The following NOL9 variants were observed in gnomAD, a reference collection of about 807,000 sequenced individuals.
NOL9 encodes the protein polynucleotide 5'-hydroxyl-kinase NOL9.
Under a neutral mutation model 67.9 loss-of-function variants are expected in NOL9, and 28 were observed. The observed-to-expected ratio is 0.41, with a 90% CI of 0.31 to 0.57. NOL9 has a LOEUF of 0.57. Among genes scored for constraint, NOL9 ranks in the 20% least tolerant of loss-of-function variants. NOL9 has a pLI of 0.25. For missense variants in NOL9, 777 were observed against 897.0 expected (o/e 0.87, Z 1.71); for synonymous variants, 356 against 352.2 (o/e 1.01, Z -0.12).
Position 6,521,811 on chromosome 1 carries a change from C to T in NOL9, c.*4043G>A, listed in dbSNP as rs1638775794. ...GAGGCTAGCTACACACTAGGAGTTA[C>T]TGACCGTTTCTACATGCCGGAGACT... On this transcript the variant is annotated 3_prime_UTR_variant, in exon 12 of 12. Coordinates refer to ENST00000377705, the MANE Select transcript of NOL9 (RefSeq NM_024654.5). 1 of 152,330 alleles carries T rather than the reference C, an allele frequency of 6.6e-6. No homozygotes were observed. The highest frequency in any genetic ancestry group is 3.4e-3 in the Middle Eastern group (1 of 294). The allele number at this position is 152,330 out of a possible 1,614,324, so 9.4% of individuals were successfully genotyped here. A position where few individuals can be genotyped will look rare whatever the true frequency, so the allele number is the denominator to read the frequency against.
chr1:6,528,522 C>T (rs908468484), intron 10 of NOL9, among the ~76,000 whole-genome samples: 2 of 152,190 alleles, frequency 1.3e-5, no homozygotes, highest in Non-Finnish European at 2.9e-5. Flanking sequence ...AGTGAATCTT[C>T]CAATGGACCA....
intron 8 of NOL9, 61 bp from the exon 9 acceptor site, chr1:6,532,140 C>T (rs1487320365): frequency 1.6e-6 from 2 of 1,246,336 alleles, no homozygotes; most frequent in Non-Finnish European, 2.4e-6. Context: ...ACCTCCCACA[C>T]CTGTCATCAC....
In NOL9 at chr1:6,554,293, C is replaced by T. The variant is rs916967280; in HGVS notation, c.210G>A (p.Ser70=). ...VDWREGARQV[S]RAAAARRPNT... ...TGGGTCTCCGGGCCGCCGCCGCGCGCGACACCTGGCGGGCTCCCTCCCTCC... is the reference window on the plus strand; with the variant it reads ...TGGGTCTCCGGGCCGCCGCCGCGCGTGACACCTGGCGGGCTCCCTCCCTCC... Residue 70 remains serine (S), a synonymous_variant, in exon 1 of 12, where the codon TCG becomes TCA. Transcript: ENST00000377705. The T allele has an allele frequency of 3.8e-5, 56 of 1,474,572 alleles. No homozygotes were observed. Among genetic ancestry groups the T allele is most frequent in the Non-Finnish European group, 5.0e-5 (56 of 1,115,590 alleles). The allele number at this position is 1,474,572 out of a possible 1,614,324, so 91.3% of individuals were successfully genotyped here.
chr1:6,546,663 C>G (rs1639427258), intron 3 of NOL9, among the ~76,000 whole-genome samples: 1 of 152,182 alleles, frequency 6.6e-6, no homozygotes, highest in Non-Finnish European at 1.5e-5. Flanking sequence ...AGCCAACTTA[C>G]ATAGTTCCAG....
Position 6,541,891 on chromosome 1 carries a change from T to A in NOL9, c.1014A>T (p.Gly338=), listed in dbSNP as rs1330869645. The change falls in exon 6 of 12, where the codon GGA becomes GGT. Residue 338 remains glycine (G), a synonymous_variant. Transcript: ENST00000377705. ...AACCAGGAGGGGTAAATTCTGTCTG[T>A]CCCAGATCACATTCCAAATAGTCAA... ...PCVDYLECDL[G]QTEFTPPGCI... is the part of the protein sequence containing the mutation. The A allele has an allele frequency of 6.2e-7, 1 of 1,607,460 alleles. No individual in the cohort carries two copies. Among genetic ancestry groups the A allele is most frequent in the Admixed American group, 1.7e-5 (1 of 58,868 alleles).
rs1331091507 is a variant in NOL9 at position 6,525,852 on chromosome 1, C to T, written c.*2G>A. ...TTTCTTCCCTTATTAAAAACGCGAG[C>T]ATCACTTCATTTTTCGACAGAACTT... On this transcript the variant is annotated 3_prime_UTR_variant, in exon 12 of 12. Coordinates refer to ENST00000377705, the MANE Select transcript of NOL9 (RefSeq NM_024654.5). 1 of 1,613,860 alleles carries T rather than the reference C, an allele frequency of 6.2e-7. No homozygotes were observed. Among genetic ancestry groups the T allele is most frequent in the Middle Eastern group, 1.6e-4 (1 of 6,062 alleles).
Position 6,550,463 on chromosome 1 carries a change from CTG to C in NOL9, c.547_548del (p.Gln183AlafsTer2). ...TCAGTTCCTTCTTGCTTTTCTCAGG[CTG>C]TGAGTAGTGAAGTGCATGGATACTC... Reference protein sequence around the residue: ...CLSIHALHYSQPEKSKKELKR... With the variant: ...CLSIHALHYSXPEKSKKELKR... On this transcript the variant is annotated frameshift_variant, in exon 2 of 12. Transcript: ENST00000377705. LOFTEE classifies it high-confidence loss of function. 1 of 1,614,108 alleles carries C rather than the reference CTG, an allele frequency of 6.2e-7. No individual in the cohort carries two copies. The highest frequency in any genetic ancestry group is 1.7e-5 in the Admixed American group (1 of 59,994).
Position 6,539,693 on chromosome 1 carries a change from AC to A in NOL9, c.1075+2136del, listed in dbSNP as rs1475530098. ...AATAGGGACTGGGTTTCACCATGCT[AC>A]CCTGGTCTCAAACTCCCAGGCTCAA... On this transcript the variant is annotated intron_variant, in intron 6 of 11. Transcript: ENST00000377705. Among the ~76,000 whole-genome samples, 3 of 151,964 alleles carry A rather than the reference AC, an allele frequency of 2.0e-5. No homozygotes were observed. The East Asian group carries it at 5.8e-4, about 29-fold the overall frequency.
intron 6 of NOL9, among the ~76,000 whole-genome samples, chr1:6,537,362 T>G (rs1189338930): frequency 2.6e-5 from 4 of 152,044 alleles, no homozygotes; most frequent in Non-Finnish European, 5.9e-5. Context: ...AAACAAAGGT[T>G]AACAACAGAC....
intron 5 of NOL9, among the ~76,000 whole-genome samples, chr1:6,544,429 G>A (rs1235256803): frequency 6.6e-6 from 1 of 151,890 alleles, no homozygotes; most frequent in African/African-American, 2.4e-5. Flanking sequence ...GCTGAGGCAG[G>A]AGGATCACTT....
intron 6 of NOL9, among the ~76,000 whole-genome samples, chr1:6,535,487 T>C (rs1310251252): frequency 6.6e-6 from 1 of 152,176 alleles, no homozygotes; most frequent in Non-Finnish European, 1.5e-5. Context: ...AGTCAGGACC[T>C]AGGACGTAAG....
intron 5 of NOL9, among the ~76,000 whole-genome samples, chr1:6,542,181 C>A (rs4434862): frequency 0.81 from 119,528 of 147,644 alleles, 49,115 homozygotes; most frequent in Non-Finnish European, 0.87. Context: ...TTTTTTTTTA[C>A]GATGGAGTCT....
At position 6,525,769 on chromosome 1, in the gene NOL9, T is replaced by G. The variant is rs1638869521; in HGVS notation, c.*85A>C. On this transcript the variant is annotated 3_prime_UTR_variant, in exon 12 of 12. Transcript: ENST00000377705. The stretch of plus-strand genomic sequence containing the variant: ...CTAATAAGGGCACCATTCATGGCCA[T>G]GAAACTCCATCATGTCTCTTGTGGT... 6.9e-7 allele frequency: 1 copy of G among 1,443,198 alleles called. No individual in the cohort carries two copies. Among genetic ancestry groups the G allele is most frequent in the South Asian group, 1.2e-5 (1 of 84,164 alleles). The allele number at this position is 1,443,198 out of a possible 1,614,324, so 89.4% of individuals were successfully genotyped here. A position where few individuals can be genotyped will look rare whatever the true frequency, so the allele number is the denominator to read the frequency against.
chr1:6,526,311 G>A (rs769424023), intron 11 of NOL9, among the ~76,000 whole-genome samples: 6 of 152,050 alleles, frequency 3.9e-5, no homozygotes, highest in Admixed American at 2.0e-4. Flanking sequence ...AATATCCCCC[G>A]TTCCCAGAGC....
rs1638960102 is a variant in NOL9 at position 6,529,118 on chromosome 1, G to A, written c.1701C>T (p.Thr567=). The change falls in exon 10 of 12, where the codon ACC becomes ACT. Residue 567 remains threonine (T), a synonymous_variant. Coordinates refer to ENST00000377705, the MANE Select transcript of NOL9 (RefSeq NM_024654.5). ...LRITHSDVAP[T]HILYAVNASW... ...TGGCGTTTACAGCATATAGTATATG[G>A]GTAGGGGCGACATCAGAGTGGGTAA... is the stretch of plus-strand genomic sequence containing the variant. 1.2e-6 allele frequency: 2 copies of A among 1,613,976 alleles called. No homozygotes were observed. The highest frequency in any genetic ancestry group is 2.2e-5 in the East Asian group (1 of 44,890).
At chr1:6,527,216 C>T (rs1638906386) in intron 10 of NOL9, among the ~76,000 whole-genome samples, 3 of 149,194 alleles carry the variant, frequency 2.0e-5, no homozygotes, top group Non-Finnish European at 4.4e-5. Flanking sequence ...CACTGTACTC[C>T]AGCCTGGGTG....
intron 10 of NOL9, among the ~76,000 whole-genome samples, chr1:6,528,748 G>C (rs1047393434): frequency 1.3e-5 from 2 of 152,194 alleles, no homozygotes; most frequent in Non-Finnish European, 2.9e-5. Context: ...GAGAAGTGTC[G>C]AGCAAGAAGA....
chr1:6,525,518 C>A lies in NOL9; in HGVS notation c.*336G>T. ...CCTTCTCGGTACATTGTAATGGCCC[C>A]AGTTTCCTTATTTTTATCCTGATTC... is the stretch of plus-strand genomic sequence containing the variant. On this transcript the variant is annotated 3_prime_UTR_variant, in exon 12 of 12. Transcript: ENST00000377705. 3.9e-6 allele frequency: 1 copy of A among 257,606 alleles called. No individual in the cohort carries two copies. The highest frequency in any genetic ancestry group is 7.4e-6 in the Non-Finnish European group (1 of 134,344). 16.0% of individuals were successfully genotyped at this position (257,606 alleles called of 1,614,324 possible). A position where few individuals can be genotyped will look rare whatever the true frequency, so the allele number is the denominator to read the frequency against.
intron 6 of NOL9, among the ~76,000 whole-genome samples, chr1:6,540,042 G>A (rs1021113656): frequency 2.6e-5 from 4 of 151,928 alleles, no homozygotes; most frequent in Non-Finnish European, 5.9e-5. Context: ...CTGGAGTGCA[G>A]TGGTGAGATC....
Sources: gnomAD v4.1 joint callset for allele counts (sites outside exome capture counted in the v4.1 genomes callset) on GRCh38, gnomAD v4.1.1 for gene constraint, MANE v1.5 for transcripts, NCBI Gene and HGNC (gene_info 2026-07-23, HGNC 2026-07-21) for gene names.